Variants in HSPA5 observed in about 807,000 individuals in gnomAD.
HSPA5 encodes the protein heat shock protein family A (Hsp70) member 5, also known as endoplasmic reticulum chaperone BiP.
Under a neutral mutation model 49.5 loss-of-function variants are expected in HSPA5, and 16 were observed. That is an observed-to-expected ratio of 0.32 (90% confidence interval 0.22 to 0.49). The LOEUF (loss-of-function observed/expected upper bound fraction) is 0.49, where lower values mean the gene tolerates loss of function less well. Ranked by LOEUF, HSPA5 falls within the 20% of genes least tolerant of loss-of-function variation. HSPA5 has a pLI of 0.99. For missense variants in HSPA5, 376 were observed against 819.0 expected (o/e 0.46, Z 6.60); for synonymous variants, 271 against 307.2 (o/e 0.88, Z 1.23).
Position 125,239,522 on chromosome 9 carries a change from T to C in HSPA5, c.504A>G (p.Ala168=). Residue 168 remains alanine, a synonymous_variant, in exon 4 of 8, where the codon GCA becomes GCG. Transcript: ENST00000324460. This position sits in a 1 kb window ranked among gnomAD's most constrained non-coding sequence, Gnocchi z 5.5. The stretch of plus-strand genomic sequence containing the variant: ...TAAAATAGGCTGGTACAGTAACAAC[T>C]GCATGGGTAACCTAAAAGGATAAAA... ...EAYLGKKVTH[A]VVTVPAYFND... is the part of the protein sequence containing the mutation. The C allele has an allele frequency of 6.2e-7, 1 of 1,610,522 alleles. No individual in the cohort carries two copies. The highest frequency in any genetic ancestry group is 8.5e-7 in the Non-Finnish European group (1 of 1,176,766).
chr9:125,238,866 A>G (rs369271426), intron 5 of HSPA5, 39 bp from the exon 6 acceptor site: 409 of 1,607,286 alleles, frequency 2.5e-4, no homozygotes, highest in Non-Finnish European at 2.6e-4. Context: ...TCTGTTATCT[A>G]AGTATCTAGA....
rs139238747 is a variant in HSPA5 at position 125,236,702 on chromosome 9, T to C, written c.1855A>G (p.Lys619Glu). The C allele has an allele frequency of 6.2e-7, 1 of 1,613,774 alleles. No individual in the cohort carries two copies. The highest frequency in any genetic ancestry group is 1.3e-5 in the African/African-American group (1 of 74,936). Residue 619 changes from lysine to glutamate, a missense_variant, in exon 8 of 8, where the codon AAG becomes GAG. Transcript: ENST00000324460. ...QDADIEDFKA[K>E]KKELEEIVQP... The stretch of plus-strand genomic sequence containing the variant: ...ACAATTTCTTCCAGTTCCTTCTTCT[T>C]AGCTTTGAAGTCTTCAATGTCAGCA...
In HSPA5 at chr9:125,238,785, C is replaced by T. The variant is rs1386517735; in HGVS notation, c.1039G>A (p.Glu347Lys). 4.3e-6 allele frequency: 7 copies of T among 1,614,046 alleles called. No homozygotes were observed. In the South Asian group the frequency reaches 7.7e-5, roughly 18 times the overall value. ...TCAGACTTCTTCAAATCAGAATCTT[C>T]CAACACTTTCTGGACGGGCTTCATA... is the stretch of plus-strand genomic sequence containing the variant. Reference protein sequence around the residue: ...STMKPVQKVLEDSDLKKSDID... With the variant: ...STMKPVQKVLKDSDLKKSDID... The change falls in exon 6 of 8, where the codon GAA becomes AAA. Residue 347 changes from glutamate (E) to lysine (K), a missense_variant. This residue lies in a region of HSPA5 where 89 missense variants were observed against 155.9 expected (regional missense o/e 0.57). Transcript: ENST00000324460.
Position 125,238,817 on chromosome 9 carries a change from C to T in HSPA5, c.1007G>A (p.Arg336Gln), listed in dbSNP as rs1252434461. The T allele has an allele frequency of 1.2e-6, 2 of 1,613,554 alleles. No individual in the cohort carries two copies. The highest frequency in any genetic ancestry group is 1.7e-6 in the Non-Finnish European group (2 of 1,179,712). ...KFEELNMDLFRSTMKPVQKVL... is the reference protein window; with the variant it reads ...KFEELNMDLFQSTMKPVQKVL... ...TTTCTGGACGGGCTTCATAGTAGAC[C>T]GGAACAGATCCTAGAAAAAAGACAT... Residue 336 changes from arginine (R) to glutamine (Q), a missense_variant, in exon 6 of 8, where the codon CGG becomes CAG. By Grantham distance (43) the Arg-to-Gln change is conservative. Coordinates refer to ENST00000324460, the MANE Select transcript of HSPA5 (RefSeq NM_005347.5).
chr9:125,236,415 G>C lies in HSPA5; in HGVS notation c.*177C>G. 1 of 502,934 alleles carries C rather than the reference G, an allele frequency of 2.0e-6. No homozygotes were observed. 31.2% of individuals were successfully genotyped at this position (502,934 alleles called of 1,614,324 possible). A position where few individuals can be genotyped will look rare whatever the true frequency, so the allele number is the denominator to read the frequency against. The stretch of plus-strand genomic sequence containing the variant: ...ATTCTTCTTCTCCCCCCCACCCAAA[G>C]ACATGTGAGCAACTGCTAATGAAAA... On this transcript the variant is annotated 3_prime_UTR_variant, in exon 8 of 8. Coordinates refer to ENST00000324460, the MANE Select transcript of HSPA5 (RefSeq NM_005347.5).
At position 125,236,953 on chromosome 9, in the gene HSPA5, G is replaced by A. The variant is rs753935146; in HGVS notation, c.1604C>T (p.Pro535Leu). Residue 535 changes from proline to leucine, a missense_variant, in exon 8 of 8, where the codon CCT (proline) becomes CTT (leucine). Around this residue, in one of 8 missense-constraint regions of HSPA5, gnomAD observed 71 missense variants for 169.9 expected, o/e 0.42. Coordinates refer to ENST00000324460, the MANE Select transcript of HSPA5 (RefSeq NM_005347.5). ...TITNDQNRLT[P>L]EEIERMVNDA... The stretch of plus-strand genomic sequence containing the variant: ...ATTAACCATCCTTTCGATTTCTTCA[G>A]GTGTCAGGCGATTCTGGTCATTGGT... The A allele has an allele frequency of 1.9e-6, 3 of 1,613,796 alleles. No homozygotes were observed. The highest frequency in any genetic ancestry group is 2.2e-5 in the East Asian group (1 of 44,894).
chr9:125,238,083 C>T, intron 7 of HSPA5, 58 bp downstream of exon 7: 15 of 1,406,182 alleles, frequency 1.1e-5, no homozygotes, highest in Non-Finnish European at 1.5e-5. Context: ...GCCTGGGCAA[C>T]AGAGCAAGAC....
chr9:125,239,116 G>A lies in HSPA5; in HGVS notation c.821C>T (p.Thr274Met), dbSNP rs753498680. The A allele has an allele frequency of 2.4e-5, 38 of 1,613,928 alleles. No individual in the cohort carries two copies. Among genetic ancestry groups the A allele is most frequent in the African/African-American group, 1.2e-4 (9 of 74,890 alleles). ...EHFIKLYKKK[T>M]GKDVRKDNRA... ...ATTGTCTTTCCTGACATCTTTGCCCGTCTTCTTTTTGTACAGTTTGATGAA... is the reference window on the plus strand; with the variant it reads ...ATTGTCTTTCCTGACATCTTTGCCCATCTTCTTTTTGTACAGTTTGATGAA... Residue 274 changes from threonine to methionine, a missense_variant, in exon 5 of 8, where the codon ACG (threonine) becomes ATG (methionine). Thr to Met is a moderately conservative substitution (Grantham distance 81). Transcript: ENST00000324460. This position sits in a 1 kb window ranked among gnomAD's most constrained non-coding sequence, Gnocchi z 5.5.
In HSPA5 at chr9:125,241,044, C is replaced by A; in HGVS notation, c.83G>T (p.Gly28Val). 1.9e-6 allele frequency: 3 copies of A among 1,614,004 alleles called. No individual in the cohort carries two copies. The highest frequency in any genetic ancestry group is 2.5e-6 in the Non-Finnish European group (3 of 1,180,006). The change falls in exon 1 of 8, where the codon GGC becomes GTC. Residue 28 changes from glycine to valine, a missense_variant. Around this residue, in one of 8 missense-constraint regions of HSPA5, gnomAD observed 29 missense variants for 38.7 expected, o/e 0.75. Transcript: ENST00000324460. ...AEEEDKKEDV[G>V]TVVGIDLGTT... ...CCCCAGGTCGATGCCGACCACCGTG[C>A]CCACGTCCTCCTTCTTGTCCTCCTC... is the stretch of plus-strand genomic sequence containing the variant.
rs1214445336 is a variant in HSPA5 at position 125,236,279 on chromosome 9, G to A, written c.*313C>T. On this transcript the variant is annotated 3_prime_UTR_variant, in exon 8 of 8. Coordinates refer to ENST00000324460, the MANE Select transcript of HSPA5 (RefSeq NM_005347.5). ...CAAACATTTATTGGTGTCACTTATG[G>A]TAGAAAAAACTTCCTACACCAGATG... is the stretch of plus-strand genomic sequence containing the variant. 1.0e-5 allele frequency: 3 copies of A among 286,136 alleles called. No homozygotes were observed. Among genetic ancestry groups the A allele is most frequent in the Admixed American group, 4.8e-5 (1 of 20,706 alleles). The allele number at this position is 286,136 out of a possible 1,614,324, so 17.7% of individuals were successfully genotyped here.
intron 7 of HSPA5, among the ~76,000 whole-genome samples, chr9:125,237,769 T>C (rs1314932156): frequency 6.6e-6 from 1 of 152,130 alleles, no homozygotes. Context: ...CCCTAGCCAT[T>C]TCAATAGGAC....
chr9:125,241,171 G>A lies in HSPA5; in HGVS notation c.-45C>T. 1.3e-6 allele frequency: 2 copies of A among 1,587,740 alleles called. No homozygotes were observed. Among genetic ancestry groups the A allele is most frequent in the Middle Eastern group, 2.0e-4 (1 of 4,916 alleles). On this transcript the variant is annotated 5_prime_UTR_variant, in exon 1 of 8. The change creates a new upstream start codon in the 5' untranslated region. Transcript: ENST00000324460. ...GCAGCAGGCAGTCCAGCCACAGGCC[G>A]TAGCACAGGAGCACAGCGCAATTTC...
chr9:125,236,866 T>A lies in HSPA5; in HGVS notation c.1691A>T (p.Glu564Val). The change falls in exon 8 of 8, where the codon GAG (glutamate) becomes GTG (valine). Residue 564 changes from glutamate to valine, a missense_variant. Physicochemically the swap from Glu to Val is moderately radical, Grantham distance 121 (BLOSUM62 -2). Coordinates refer to ENST00000324460, the MANE Select transcript of HSPA5 (RefSeq NM_005347.5). ...KLKERIDTRN[E>V]LESYAYSLKN... Reference sequence around the variant, plus strand: ...TAGAGAATAGGCATAGCTTTCCAACTCATTTCTAGTATCAATGCGCTCCTT... The same window carrying A: ...TAGAGAATAGGCATAGCTTTCCAACACATTTCTAGTATCAATGCGCTCCTT... 1 of 1,613,998 alleles carries A rather than the reference T, an allele frequency of 6.2e-7. No homozygotes were observed. Among genetic ancestry groups the A allele is most frequent in the Non-Finnish European group, 8.5e-7 (1 of 1,179,864 alleles).
intron 7 of HSPA5, among the ~76,000 whole-genome samples, chr9:125,237,788 T>C (rs560482789): frequency 1.3e-5 from 2 of 152,160 alleles, no homozygotes; most frequent in East Asian, 3.9e-4. Flanking sequence ...ACATATTAAG[T>C]CATGTTCTTT....
At chr9:125,238,496 G>A (rs746083493) in intron 6 of HSPA5, 94 bp downstream of exon 6, 23 of 1,119,950 alleles carry the variant, frequency 2.1e-5, no homozygotes, top group Non-Finnish European at 2.8e-5. Context: ...GTGTGACCTT[G>A]TTGCTCATAT....
Position 125,238,210 on chromosome 9 carries a change from T to C in HSPA5, c.1333A>G (p.Thr445Ala). 2 of 1,614,026 alleles carry C rather than the reference T, an allele frequency of 1.2e-6. No individual in the cohort carries two copies. Among genetic ancestry groups the C allele is most frequent in the Non-Finnish European group, 1.7e-6 (2 of 1,179,844 alleles). ...GTAGAAAAGATCTGAGACTTCTTGG[T>C]AGGCACCACTGTGTTCCTTGGAATC... ...KLIPRNTVVPTKKSQIFSTAS... is the reference protein window; with the variant it reads ...KLIPRNTVVPAKKSQIFSTAS... Residue 445 changes from threonine (T) to alanine (A), a missense_variant, in exon 7 of 8, where the codon ACC becomes GCC. By Grantham distance (58) the Thr-to-Ala change is moderately conservative. Around this residue, in one of 8 missense-constraint regions of HSPA5, gnomAD observed 71 missense variants for 169.9 expected, o/e 0.42. Coordinates refer to ENST00000324460, the MANE Select transcript of HSPA5 (RefSeq NM_005347.5).
rs914135849 is a variant in HSPA5 at position 125,234,932 on chromosome 9, T to G, written c.*1660A>C. ...TAGGTGGTCCACGGTAGTGAGAGCCTTTGAGGTAAGGGAAGACTAGCCCTA... is the reference window on the plus strand; with the variant it reads ...TAGGTGGTCCACGGTAGTGAGAGCCGTTGAGGTAAGGGAAGACTAGCCCTA... On this transcript the variant is annotated 3_prime_UTR_variant, in exon 8 of 8. Transcript: ENST00000324460. 1.3e-5 allele frequency: 2 copies of G among 152,012 alleles called. No homozygotes were observed. Among genetic ancestry groups the G allele is most frequent in the African/African-American group, 4.8e-5 (2 of 41,402 alleles). The allele number at this position is 152,012 out of a possible 1,614,324, so 9.4% of individuals were successfully genotyped here. A position where few individuals can be genotyped will look rare whatever the true frequency, so the allele number is the denominator to read the frequency against.
chr9:125,237,726 A>C (rs1023611011), intron 7 of HSPA5, among the ~76,000 whole-genome samples: 1 of 152,110 alleles, frequency 6.6e-6, no homozygotes, highest in East Asian at 1.9e-4. Context: ...ATTCAAATTA[A>C]GACCTCCATC....
At position 125,240,659 on chromosome 9, in the gene HSPA5, G is replaced by C. The variant is rs55741496; in HGVS notation, c.354+17C>G. 4 of 1,604,576 alleles carry C rather than the reference G, an allele frequency of 2.5e-6. No individual in the cohort carries two copies. The Admixed American group carries it at 5.0e-5, about 20-fold the overall frequency. On this transcript the variant is annotated intron_variant, in intron 2 of 7. Transcript: ENST00000324460. The surrounding 1 kb of genome is among the most constrained non-coding windows in gnomAD (Gnocchi z 4.4). ...ACCCACCCGTTCTCTAACTGGATGA[G>C]AAAAACCCGGTCGAACCTTGAACGG...
Sources: allele counts gnomAD v4.1 joint callset (sites outside exome capture counted in the v4.1 genomes callset), GRCh38; gene constraint gnomAD v4.1.1; regional missense constraint gnomAD v4.1.1; non-coding constraint Gnocchi (gnomAD v3.1); transcripts MANE v1.5; gene names NCBI Gene and HGNC (gene_info 2026-07-23, HGNC 2026-07-21).